Variants in KCNIP4 observed in about 807,000 individuals in gnomAD.
The protein encoded by KCNIP4 is Kv channel-interacting protein 4.
A neutral mutation model predicts 34.0 loss-of-function variants in KCNIP4; 12 were observed. The observed-to-expected ratio is 0.35, with a 90% CI of 0.23 to 0.57. The LOEUF (loss-of-function observed/expected upper bound fraction) is 0.57. KCNIP4 is among the 20% of genes least tolerant of loss of function. KCNIP4 has a pLI of 0.83. For synonymous variants in KCNIP4, 124 were observed against 102.2 expected (o/e 1.21, Z -1.29); for missense variants, 238 against 311.7 (o/e 0.76, Z 1.78).
At chr4:21,386,581 A>C (rs1421727760) in intron 1 of KCNIP4, among the ~76,000 whole-genome samples, 2 of 152,218 alleles carry the variant, frequency 1.3e-5, no homozygotes, top group Non-Finnish European at 2.9e-5. Flanking sequence ...TTAGTCACAC[A>C]TGTGTTTGGC....
At chr4:21,697,216 TAC>T in intron 1 of KCNIP4, 4 of 1,237,060 alleles carry the variant, frequency 3.2e-6, no homozygotes, top group Non-Finnish European at 4.1e-6. Context: ...TCTCAGCAAA[TAC>T]AGTTGCATTT....
intron 1 of KCNIP4, among the ~76,000 whole-genome samples, chr4:21,713,217 C>T (rs1713880279): frequency 6.6e-6 from 1 of 152,162 alleles, no homozygotes; most frequent in Non-Finnish European, 1.5e-5. Context: ...ATTGGAAATT[C>T]TTGTCTACAG....
intron 1 of KCNIP4, among the ~76,000 whole-genome samples, chr4:21,606,982 T>C (rs973525200): frequency 3.5e-4 from 53 of 152,148 alleles, no homozygotes; most frequent in African/African-American, 1.3e-3. Context: ...GTTCCTCACA[T>C]ATAACTCAGG....
chr4:20,762,084 G>T (rs1415682412), intron 3 of KCNIP4, among the ~76,000 whole-genome samples: 1 of 152,116 alleles, frequency 6.6e-6, no homozygotes, highest in East Asian at 1.9e-4. Context: ...ATAAACAATA[G>T]AAATTTATTT....
chr4:21,365,478 A>T (rs187916175), intron 1 of KCNIP4, among the ~76,000 whole-genome samples: 32 of 132,108 alleles, frequency 2.4e-4, no homozygotes, highest in African/African-American at 8.6e-4. Context: ...ACTGTCTCAA[A>T]AAATAAATAA....
rs770366497 is a variant in KCNIP4 at position 21,304,030 on chromosome 4, TGAGAGAGAGAGAGAGAGAGAGAGA to T, written c.62-421345_62-421322del. On this transcript the variant is annotated intron_variant, in intron 1 of 8. Coordinates refer to ENST00000382152, the MANE Select transcript of KCNIP4 (RefSeq NM_025221.6). ...GGAGAAAGGGGAGGAGGAGAGCGTA[TGAGAGAGAGAGAGAGAGAGAGAGA>T]GAGAGAGAGAGAGACAGAGAGAGAG... The T allele has an allele frequency of 1.7e-5, 5 of 288,642 alleles. No homozygotes were observed. In the South Asian group the frequency reaches 2.4e-4, roughly 14 times the overall value. The allele number at this position is 288,642 out of a possible 1,614,324, so 17.9% of individuals were successfully genotyped here.
At chr4:20,957,739 A>C (rs1334144699) in intron 1 of KCNIP4, among the ~76,000 whole-genome samples, 1 of 152,326 alleles carries the variant, frequency 6.6e-6, no homozygotes, top group East Asian at 1.9e-4. Context: ...ATACTATTAT[A>C]GTTATTTTAA....
rs112769483 is a variant in KCNIP4 at position 21,769,177 on chromosome 4, T to TA, written c.61+179393dup. On this transcript the variant is annotated intron_variant, in intron 1 of 8. Transcript: ENST00000382152. ...CATCAACTCCTCCTTTTAAGTATTT[T>TA]AAAAAAAACTACTCCAATCATATCC... 5.8e-3 allele frequency among the ~76,000 whole-genome samples: 874 copies of TA among 151,800 alleles called. 5 individuals carry two copies. The highest frequency in any genetic ancestry group is 0.028 in the South Asian group (132 of 4,768).
At chr4:20,881,228 A>C (rs1347944070) in intron 2 of KCNIP4, among the ~76,000 whole-genome samples, 2 of 152,186 alleles carry the variant, frequency 1.3e-5, no homozygotes, top group African/African-American at 2.4e-5. Context: ...TTGCTATTCT[A>C]TTCTGGGACT....
At chr4:20,980,659 T>C (rs532378818) in intron 1 of KCNIP4, among the ~76,000 whole-genome samples, 21 of 152,306 alleles carry the variant, frequency 1.4e-4, no homozygotes, top group African/African-American at 4.8e-4. Context: ...TACTTTCTAA[T>C]GTATTATACA....
Position 21,439,894 on chromosome 4 carries a change from A to G in KCNIP4, c.61+508677T>C, listed in dbSNP as rs368576489. Among the ~76,000 whole-genome samples the G allele has an allele frequency of 2.3e-4, 35 of 152,342 alleles. 2 individuals carry two copies. In the South Asian group the frequency reaches 3.7e-3, roughly 16 times the overall value. On this transcript the variant is annotated intron_variant, in intron 1 of 8. Transcript: ENST00000382152. ...TTCTACTGCAGAGGAAGCACCTATC[A>G]GTAGATCTGTTGACAAGCTATCTAT... is the stretch of plus-strand genomic sequence containing the variant.
intron 1 of KCNIP4, among the ~76,000 whole-genome samples, chr4:21,046,620 T>C (rs1742443768): frequency 6.6e-6 from 1 of 151,828 alleles, no homozygotes; most frequent in Non-Finnish European, 1.5e-5. Flanking sequence ...AGATGGAGTT[T>C]CGCTCTTGTT....
intron 1 of KCNIP4, among the ~76,000 whole-genome samples, chr4:21,019,063 G>C (rs989726140): frequency 6.6e-6 from 1 of 152,070 alleles, no homozygotes; most frequent in Non-Finnish European, 1.5e-5. Context: ...TATTCTGAGG[G>C]CTTCCTCCTT....
chr4:21,051,175 G>T lies in KCNIP4; in HGVS notation c.62-168466C>A, dbSNP rs985357729. Among the ~76,000 whole-genome samples the T allele has an allele frequency of 6.6e-5, 10 of 152,284 alleles. No individual in the cohort carries two copies. The South Asian group carries it at 1.0e-3, about 16-fold the overall frequency. On this transcript the variant is annotated intron_variant, in intron 1 of 8. Transcript: ENST00000382152. ...CAGCACTTGGGCTTCCCTTCTTTGA[G>T]CATCAAAAACAAGTGTCATTTTTCT...
At chr4:20,829,434 T>C (rs527346435) in intron 3 of KCNIP4, among the ~76,000 whole-genome samples, 84 of 152,070 alleles carry the variant, frequency 5.5e-4, no homozygotes, top group African/African-American at 1.9e-3. Flanking sequence ...GTCTCAATCT[T>C]CTGACCTTGT....
intron 2 of KCNIP4, among the ~76,000 whole-genome samples, chr4:20,852,791 A>T (rs1038993175): frequency 2.6e-5 from 4 of 152,174 alleles, no homozygotes; most frequent in Non-Finnish European, 5.9e-5. Context: ...CTGGACAGAA[A>T]ATTAATGTAC....
chr4:21,154,524 G>A (rs1354960964), intron 1 of KCNIP4, among the ~76,000 whole-genome samples: 1 of 152,102 alleles, frequency 6.6e-6, no homozygotes, highest in Non-Finnish European at 1.5e-5. Flanking sequence ...ATTCATGTTG[G>A]AACAGTGACC....
intron 3 of KCNIP4, among the ~76,000 whole-genome samples, chr4:20,812,440 G>GT (rs1234989565): frequency 6.6e-6 from 1 of 152,092 alleles, no homozygotes; most frequent in Non-Finnish European, 1.5e-5. Flanking sequence ...AAGAGATAAA[G>GT]AACAATGAGA....
At chr4:20,889,629 T>A (rs554638036) in intron 1 of KCNIP4, among the ~76,000 whole-genome samples, 1 of 152,090 alleles carries the variant, frequency 6.6e-6, no homozygotes, top group Non-Finnish European at 1.5e-5. Context: ...TAGGAACTAT[T>A]GGCCTGCTTG....
Sources: allele counts gnomAD v4.1 joint callset (sites outside exome capture counted in the v4.1 genomes callset), GRCh38; gene constraint gnomAD v4.1.1; transcripts MANE v1.5; gene names NCBI Gene and HGNC (gene_info 2026-07-23, HGNC 2026-07-21).